TRPM3: variants seen among roughly 807,000 people sequenced by gnomAD.
The protein encoded by TRPM3 is long transient receptor potential channel 3.
TRPM3 carries 77 observed loss-of-function variants against 181.2 expected under a neutral mutation model. That is an observed-to-expected ratio of 0.42 (90% CI 0.35 to 0.51). The LOEUF (loss-of-function observed/expected upper bound fraction) is 0.51, where lower values mean the gene tolerates loss of function less well. Ranked by LOEUF, TRPM3 falls within the 20% of genes least tolerant of loss-of-function variation. The pLI is 0.01. For missense variants in TRPM3, 1,759 were observed against 2,196.7 expected (o/e 0.80, Z 3.98); for synonymous variants, 745 against 796.4 (o/e 0.94, Z 1.09).
chr9:70,998,146 TATATATATACATATATACATATATACAC>T (rs2097560126), intron 1 of TRPM3, among the ~76,000 whole-genome samples: 1 of 65,258 alleles, frequency 1.5e-5, no homozygotes, highest in Admixed American at 1.7e-4. Flanking sequence ...TATATACACA[TATATATATACATATATACATATATACAC>T]ATATATATAC....
At chr9:71,401,027 G>T (rs7872955) in intron 1 of TRPM3, among the ~76,000 whole-genome samples, 42 of 151,682 alleles carry the variant, frequency 2.8e-4, no homozygotes, top group African/African-American at 9.4e-4. Context: ...GCAAAACCCC[G>T]TCTCTACTAA....
At chr9:71,093,648 A>G (rs976866543) in intron 1 of TRPM3, among the ~76,000 whole-genome samples, 2 of 152,212 alleles carry the variant, frequency 1.3e-5, no homozygotes, top group Admixed American at 1.3e-4. Context: ...GAGAATGTAA[A>G]TTAGTTTGAC....
intron 1 of TRPM3, among the ~76,000 whole-genome samples, chr9:71,127,527 G>T (rs576239075): frequency 6.6e-6 from 1 of 152,176 alleles, no homozygotes; most frequent in Non-Finnish European, 1.5e-5. Context: ...TACCCACTAT[G>T]TGGCCTGGGG....
At chr9:71,354,526 A>T (rs2091813698) in intron 1 of TRPM3, among the ~76,000 whole-genome samples, 1 of 152,218 alleles carries the variant, frequency 6.6e-6, no homozygotes, top group African/African-American at 2.4e-5. Context: ...ACAGAATTTT[A>T]AAAGTTATTT....
intron 19 of TRPM3, among the ~76,000 whole-genome samples, chr9:70,607,841 C>T (rs370383457): frequency 1.3e-5 from 2 of 152,224 alleles, no homozygotes; most frequent in African/African-American, 4.8e-5. Flanking sequence ...ACTTTTAAGG[C>T]TTTGTAGAAC....
At chr9:70,644,096 C>T (rs2058463507) in intron 9 of TRPM3, among the ~76,000 whole-genome samples, 1 of 152,182 alleles carries the variant, frequency 6.6e-6, no homozygotes, top group Non-Finnish European at 1.5e-5. Flanking sequence ...TGAATACTCT[C>T]TCTGCTGGGA....
chr9:70,637,057 A>G (rs911644466), intron 11 of TRPM3, among the ~76,000 whole-genome samples: 1 of 152,130 alleles, frequency 6.6e-6, no homozygotes, highest in Non-Finnish European at 1.5e-5. Flanking sequence ...CTGCCCATTC[A>G]TGTGGACGTG....
upstream of TRPM3, among the ~76,000 whole-genome samples, chr9:71,125,410 T>C (rs1307905257): frequency 1.3e-5 from 2 of 152,172 alleles, no homozygotes; most frequent in Non-Finnish European, 2.9e-5. Flanking sequence ...TGTGTTCTCA[T>C]TGTTTAGCTC....
chr9:71,245,358 A>C (rs7020698), intron 1 of TRPM3, among the ~76,000 whole-genome samples: 102,290 of 150,860 alleles, frequency 0.68, 34,777 homozygotes, highest in African/African-American at 0.69. Context: ...ACAGGAGAAT[A>C]GCTTGAACCC....
At chr9:71,285,483 A>C (rs2132231512) in intron 1 of TRPM3, among the ~76,000 whole-genome samples, 1 of 152,292 alleles carries the variant, frequency 6.6e-6, no homozygotes, top group Middle Eastern at 3.4e-3. Flanking sequence ...TGCCATCGAG[A>C]GACTGATGTG....
At chr9:71,369,116 A>G (rs2092430995) in intron 1 of TRPM3, among the ~76,000 whole-genome samples, 2 of 152,248 alleles carry the variant, frequency 1.3e-5, no homozygotes, top group Admixed American at 6.5e-5. Flanking sequence ...AAGAGCCACA[A>G]AACCTCAGAA....
intron 8 of TRPM3, among the ~76,000 whole-genome samples, chr9:70,754,131 GAGCTCCAGGAGGCAGC>G (rs947628901): frequency 6.6e-6 from 1 of 152,160 alleles, no homozygotes; most frequent in Non-Finnish European, 1.5e-5. Context: ...GGACAGACAG[GAGCTCCAGGAGGCAGC>G]AGCAGAAAAG....
chr9:70,635,422 T>C (rs535132508), intron 11 of TRPM3, among the ~76,000 whole-genome samples, 161 bp from the exon 12 acceptor site: 36 of 151,630 alleles, frequency 2.4e-4, no homozygotes, highest in African/African-American at 8.2e-4. Flanking sequence ...TTTCTTTCTT[T>C]TAAATTGTCC....
chr9:70,600,974 C>T (rs1442305648), intron 20 of TRPM3, among the ~76,000 whole-genome samples: 1 of 152,112 alleles, frequency 6.6e-6, no homozygotes, highest in Non-Finnish European at 1.5e-5. Flanking sequence ...TCAAGAATCC[C>T]CCCTGCCTCC....
intron 1 of TRPM3, among the ~76,000 whole-genome samples, chr9:71,168,512 T>TTC (rs1174613769): frequency 7.6e-6 from 1 of 132,394 alleles, no homozygotes; most frequent in African/African-American, 2.7e-5. Flanking sequence ...ACATTTTTCT[T>TTC]TTTTTTTTTT....
chr9:71,344,045 TAGATTGATA>T (rs1344869265), intron 1 of TRPM3, among the ~76,000 whole-genome samples: 3 of 151,854 alleles, frequency 2.0e-5, no homozygotes, highest in Non-Finnish European at 4.4e-5. Context: ...TAGATTAGAT[TAGATTGATA>T]GATAGATAAA....
intron 6 of TRPM3, chr9:70,793,576 T>C (rs965337999): frequency 2.1e-6 from 1 of 470,096 alleles, no homozygotes; most frequent in Non-Finnish European, 4.4e-6. Flanking sequence ...TTTATGTACT[T>C]TGCATGAGAT....
At chr9:71,220,801 G>C (rs910628778) in intron 1 of TRPM3, among the ~76,000 whole-genome samples, 1 of 152,052 alleles carries the variant, frequency 6.6e-6, no homozygotes, top group Non-Finnish European at 1.5e-5. Context: ...ACCCTCCAAA[G>C]AGCGCTCCCA....
intron 1 of TRPM3, among the ~76,000 whole-genome samples, chr9:71,111,307 A>G (rs547558239): frequency 6.6e-6 from 1 of 152,312 alleles, no homozygotes; most frequent in African/African-American, 2.4e-5. Flanking sequence ...ACTAGGAAGT[A>G]TCTCTTGGGA....
Sources: allele counts gnomAD v4.1 joint callset (sites outside exome capture counted in the v4.1 genomes callset), GRCh38; gene constraint gnomAD v4.1.1; transcripts MANE v1.5; gene names NCBI Gene and HGNC (gene_info 2026-07-23, HGNC 2026-07-21).